Variants in SYNE1 observed in about 807,000 individuals in gnomAD.
The protein encoded by SYNE1 is nesprin-1.
A neutral mutation model predicts 1,111.0 loss-of-function variants in SYNE1; 616 were observed. That is an observed-to-expected ratio of 0.55 (90% CI 0.52 to 0.59). The LOEUF is 0.59. SYNE1 is among the 20% of genes least tolerant of loss of function. The pLI is 0.00. For synonymous variants in SYNE1, 3,855 were observed against 3,825.8 expected (o/e 1.01, Z -0.28); for missense variants, 10,006 against 10,417.0 (o/e 0.96, Z 1.72).
chr6:152,600,511 G>C (rs113293559), intron 3 of SYNE1, among the ~76,000 whole-genome samples: 3 of 152,192 alleles, frequency 2.0e-5, no homozygotes, highest in African/African-American at 7.2e-5. Context: ...GGCTGATTAC[G>C]GATGAGTAGA....
chr6:152,326,116 A>C lies in SYNE1; in HGVS notation c.15294-14T>G. 6.2e-7 allele frequency: 1 copy of C among 1,614,114 alleles called. No individual in the cohort carries two copies. Among genetic ancestry groups the C allele is most frequent in the Non-Finnish European group, 8.5e-7 (1 of 1,180,030 alleles). Reference sequence around the variant, plus strand: ...TGAGCTGTGCATCTTGAAAGAGTCCAACAGAAACTGATAAGTAGCACGAAA... The same window carrying C: ...TGAGCTGTGCATCTTGAAAGAGTCCCACAGAAACTGATAAGTAGCACGAAA... On this transcript the variant is annotated splice_polypyrimidine_tract_variant and intron_variant, in intron 79 of 145. Coordinates refer to ENST00000367255, the MANE Select transcript of SYNE1 (RefSeq NM_182961.4).
chr6:152,251,998 A>T (rs199905619), intron 104 of SYNE1, among the ~76,000 whole-genome samples: 1 of 27,538 alleles, frequency 3.6e-5, no homozygotes, highest in Non-Finnish European at 7.4e-5. Context: ...GTCCGGGCAC[A>T]GTGGTTCATG....
intron 11 of SYNE1, among the ~76,000 whole-genome samples, chr6:152,491,379 T>C (rs2098969431): frequency 6.6e-6 from 1 of 152,114 alleles, no homozygotes; most frequent in African/African-American, 2.4e-5. Flanking sequence ...CCAGGGCTGC[T>C]CACCACCCCC....
rs563749918 is a variant in SYNE1, at chr6:152,295,900, T to G, written c.17683-1773A>C. 2.8e-4 allele frequency among the ~76,000 whole-genome samples: 43 copies of G among 152,340 alleles called. 1 individual carries two copies. The South Asian group carries it at 6.2e-3, about 22-fold the overall frequency. ...AAAACACCTGCACGCACTGTTTCTTTTATTTGTTTTCTTGAAGGATATCAC... is the reference window on the plus strand; with the variant it reads ...AAAACACCTGCACGCACTGTTTCTTGTATTTGTTTTCTTGAAGGATATCAC... On this transcript the variant is annotated intron_variant, in intron 93 of 145. Coordinates refer to ENST00000367255, the MANE Select transcript of SYNE1 (RefSeq NM_182961.4).
At chr6:152,380,888 T>C (rs1232415254) in intron 56 of SYNE1, 118 bp downstream of exon 56, 1 of 947,524 alleles carries the variant, frequency 1.1e-6, no homozygotes, top group Non-Finnish European at 1.7e-6. Flanking sequence ...GATAAATACT[T>C]CTTCCAAGTG....
At chr6:152,528,306 C>CTGAATGAA (rs145549418) in intron 4 of SYNE1, among the ~76,000 whole-genome samples, 5 of 151,746 alleles carry the variant, frequency 3.3e-5, no homozygotes, top group Non-Finnish European at 7.4e-5. Context: ...GACTGACTGA[C>CTGAATGAA]TGAATGAATG....
At chr6:152,145,524 A>G in intron 137 of SYNE1, 1 of 1,614,094 alleles carries the variant, frequency 6.2e-7, no homozygotes, top group African/African-American at 1.3e-5. Flanking sequence ...TGAGTTTTAC[A>G]TAGGCCTCAG....
rs1320308578 is a variant in SYNE1, at chr6:152,416,533, G to C, written c.5904C>G (p.Thr1968=). ...EVERIQNLLG[T]KQSEADALAV... ...CCAGAGCATCTGCCTCACTCTGCTTGGTTCCCAGAAGGTTCTGGATCCTCT... is the reference window on the plus strand; with the variant it reads ...CCAGAGCATCTGCCTCACTCTGCTTCGTTCCCAGAAGGTTCTGGATCCTCT... Residue 1968 remains threonine (T), a synonymous_variant, in exon 41 of 146, where the codon ACC becomes ACG. Coordinates refer to ENST00000367255, the MANE Select transcript of SYNE1 (RefSeq NM_182961.4). 9.9e-6 allele frequency: 16 copies of C among 1,613,840 alleles called. No homozygotes were observed. The highest frequency in any genetic ancestry group is 1.4e-5 in the Non-Finnish European group (16 of 1,180,018).
chr6:152,168,583 C>G (rs1385307313), intron 130 of SYNE1, among the ~76,000 whole-genome samples: 1 of 152,184 alleles, frequency 6.6e-6, no homozygotes, highest in Non-Finnish European at 1.5e-5. Context: ...GTTTGTTATG[C>G]TGGGAAAGCT....
At chr6:152,444,115 G>A (rs773563896) in intron 30 of SYNE1, among the ~76,000 whole-genome samples, 23 of 152,286 alleles carry the variant, frequency 1.5e-4, no homozygotes, top group South Asian at 8.3e-4. Context: ...AATCTAGCAC[G>A]TTTTGTGCAG....
chr6:152,390,209 T>C, intron 53 of SYNE1, 71 bp downstream of exon 53: 1 of 1,556,334 alleles, frequency 6.4e-7, no homozygotes, highest in Non-Finnish European at 8.8e-7. Flanking sequence ...CCAGGAGACC[T>C]CAGTACTGCT....
At position 152,300,644 on chromosome 6, in the gene SYNE1, G is replaced by T. The variant is rs1268345666; in HGVS notation, c.17679C>A (p.Asn5893Lys). 1.9e-6 allele frequency: 3 copies of T among 1,614,152 alleles called. No homozygotes were observed. In the Admixed American group the frequency reaches 5.0e-5, roughly 27 times the overall value. ...AGGAATGCCAACTGGGAGGTACCTG[G>T]TTAACAGAAGCATCTGTATTAGCCA... Reference protein sequence around the residue: ...SPVANTDASVNQDIAYYQALS... With the variant: ...SPVANTDASVKQDIAYYQALS... The change falls in exon 93 of 146, where the codon AAC (asparagine) becomes AAA (lysine). Residue 5893 changes from asparagine (N) to lysine (K), a missense_variant. Physicochemically the swap from Asn to Lys is moderately conservative, Grantham distance 94 (BLOSUM62 0). Around this residue, in one of 7 missense-constraint regions of SYNE1, gnomAD observed 4,955 missense variants for 5,017.2 expected, o/e 0.99. Transcript: ENST00000367255.
chr6:152,346,636 C>T (rs2154024302), intron 73 of SYNE1, among the ~76,000 whole-genome samples: 1 of 152,036 alleles, frequency 6.6e-6, no homozygotes, highest in African/African-American at 2.4e-5. Context: ...CGGTGAAACC[C>T]CGTCTCTACT....
At chr6:152,403,010 C>A (rs2097845609) in intron 46 of SYNE1, among the ~76,000 whole-genome samples, 1 of 152,120 alleles carries the variant, frequency 6.6e-6, no homozygotes, top group African/African-American at 2.4e-5. Flanking sequence ...CCTAATGGTA[C>A]TGCTGAACAA....
chr6:152,430,650 G>T lies in SYNE1; in HGVS notation c.4521C>A (p.Ala1507=), dbSNP rs751683362. 10 of 1,613,928 alleles carry T rather than the reference G, an allele frequency of 6.2e-6. No individual in the cohort carries two copies. The highest frequency in any genetic ancestry group is 7.6e-6 in the Non-Finnish European group (9 of 1,179,956). The change falls in exon 35 of 146, where the codon GCC becomes GCA. Residue 1507 remains alanine (A), a synonymous_variant. Coordinates refer to ENST00000367255, the MANE Select transcript of SYNE1 (RefSeq NM_182961.4). ...LSSIVGLEEE[A]QSFAQFVTTG... ...TGGTAACAAACTGAGCAAAAGACTGGGCTTCTTCTTCTAATCCTACAATGC... is the reference window on the plus strand; with the variant it reads ...TGGTAACAAACTGAGCAAAAGACTGTGCTTCTTCTTCTAATCCTACAATGC...
rs373987240 is a variant in SYNE1, at chr6:152,176,983, A to G, written c.23461-423T>C. Among the ~76,000 whole-genome samples, 6 of 152,270 alleles carry G rather than the reference A, an allele frequency of 3.9e-5. No homozygotes were observed. The Middle Eastern group carries it at 0.014, about 345-fold the overall frequency. The stretch of plus-strand genomic sequence containing the variant: ...ACTTATAAAATGCACACACACATAT[A>G]TATATGCAATTGATATATAGGTATA... On this transcript the variant is annotated intron_variant, in intron 129 of 145. Coordinates refer to ENST00000367255, the MANE Select transcript of SYNE1 (RefSeq NM_182961.4).
chr6:152,418,972 T>G (rs560352459), intron 40 of SYNE1, among the ~76,000 whole-genome samples: 10 of 152,298 alleles, frequency 6.6e-5, no homozygotes, highest in African/African-American at 2.2e-4. Context: ...CATAAAAACT[T>G]TAGTCATCTG....
chr6:152,455,079 A>G (rs2098686264), intron 24 of SYNE1, among the ~76,000 whole-genome samples: 1 of 152,234 alleles, frequency 6.6e-6, no homozygotes, highest in East Asian at 1.9e-4. Flanking sequence ...TAAAATGAGC[A>G]CAAAGGACTT....
chr6:152,167,119 C>A (rs1458470967), intron 130 of SYNE1, among the ~76,000 whole-genome samples: 1 of 152,178 alleles, frequency 6.6e-6, no homozygotes, highest in Non-Finnish European at 1.5e-5. Flanking sequence ...TAAGTCCCTG[C>A]AGCTTATGGT....
Sources: gnomAD v4.1 joint callset for allele counts (sites outside exome capture counted in the v4.1 genomes callset) on GRCh38, gnomAD v4.1.1 for gene constraint, gnomAD v4.1.1 regional missense constraint, MANE v1.5 for transcripts, NCBI Gene and HGNC (gene_info 2026-07-23, HGNC 2026-07-21) for gene names.